Variants in CTNNA3 observed in about 807,000 individuals in gnomAD.
CTNNA3 encodes catenin alpha 3.
CTNNA3 carries 76 observed loss-of-function variants against 95.7 expected under a neutral mutation model. The ratio of observed to expected loss-of-function variants is 0.79; its 90% CI spans 0.66 to 0.96. The LOEUF is 0.96. Ranked by LOEUF, CTNNA3 falls within the 40% of genes least tolerant of loss-of-function variation. CTNNA3 has a pLI of 0.00. For synonymous variants in CTNNA3, 431 were observed against 374.4 expected, an observed-to-expected ratio of 1.15 and a Z score of -1.74; for missense variants, 1,191 against 1,089.8, an observed-to-expected ratio of 1.09 and a Z score of -1.31.
chr10:66,215,333 C>A (rs2088459058), intron 13 of CTNNA3, among the ~76,000 whole-genome samples: 1 of 152,152 alleles, frequency 6.6e-6, no homozygotes. Context: ...ACGTGCTATG[C>A]CCTTTACATC....
intron 7 of CTNNA3, among the ~76,000 whole-genome samples, chr10:67,149,118 A>C (rs565500630): frequency 3.3e-5 from 5 of 152,308 alleles, no homozygotes; most frequent in African/African-American, 1.2e-4. Flanking sequence ...CATAAAATTT[A>C]TCCAATATTC....
At chr10:66,837,894 CT>C (rs1377894930) in intron 7 of CTNNA3, among the ~76,000 whole-genome samples, 1 of 152,116 alleles carries the variant, frequency 6.6e-6, no homozygotes, top group Non-Finnish European at 1.5e-5. Context: ...TCTGCCGCCA[CT>C]TGTCCATGTC....
intron 11 of CTNNA3, among the ~76,000 whole-genome samples, chr10:66,401,169 C>T (rs1230460506): frequency 3.3e-5 from 5 of 152,018 alleles, no homozygotes; most frequent in African/African-American, 4.8e-5. Context: ...CTTGCATTTC[C>T]TCATTAATAA....
intron 12 of CTNNA3, among the ~76,000 whole-genome samples, chr10:66,361,708 T>G (rs920006575): frequency 6.6e-6 from 1 of 151,554 alleles, no homozygotes; most frequent in African/African-American, 2.4e-5. Context: ...TGGTTGATTT[T>G]CTAATTTTCT....
chr10:66,025,848 A>G (rs1042177935), intron 15 of CTNNA3, among the ~76,000 whole-genome samples: 1 of 152,166 alleles, frequency 6.6e-6, no homozygotes, highest in Non-Finnish European at 1.5e-5. Context: ...TGTCTATGTG[A>G]TAGATTAGTG....
chr10:67,743,023 C>G (rs1182631209), intron 1 of CTNNA3, among the ~76,000 whole-genome samples: 3 of 151,168 alleles, frequency 2.0e-5, no homozygotes, highest in East Asian at 1.9e-4. Flanking sequence ...GCTTACCAAC[C>G]AAAAACACTC....
intron 9 of CTNNA3, among the ~76,000 whole-genome samples, chr10:66,755,400 T>C (rs1322200968): frequency 1.3e-5 from 2 of 152,144 alleles, no homozygotes; most frequent in South Asian, 2.1e-4. Flanking sequence ...CTGTGGAATA[T>C]TGGAAACAAT....
intron 13 of CTNNA3, among the ~76,000 whole-genome samples, chr10:66,183,338 A>T (rs1035040035): frequency 5.3e-5 from 8 of 152,336 alleles, no homozygotes; most frequent in African/African-American, 1.9e-4. Context: ...CCTTCTCTGT[A>T]TGAGATATGC....
chr10:66,177,076 C>T (rs1047023198), intron 13 of CTNNA3, among the ~76,000 whole-genome samples: 1 of 152,044 alleles, frequency 6.6e-6, no homozygotes, highest in Non-Finnish European at 1.5e-5. Flanking sequence ...ACTCACAATG[C>T]AGAATAAACA....
intron 10 of CTNNA3, among the ~76,000 whole-genome samples, chr10:66,619,455 G>A (rs562795309): frequency 3.4e-5 from 4 of 116,554 alleles, no homozygotes; most frequent in East Asian, 2.6e-4. Context: ...GCAAACTGTC[G>A]CAAGGACAAA....
At chr10:66,182,776 A>T (rs2086123725) in intron 13 of CTNNA3, among the ~76,000 whole-genome samples, 1 of 152,148 alleles carries the variant, frequency 6.6e-6, no homozygotes, top group African/African-American at 2.4e-5. Context: ...ATGAAAGCAA[A>T]ATGTCCATCC....
chr10:67,325,484 C>T (rs994422085), intron 5 of CTNNA3, among the ~76,000 whole-genome samples: 1 of 152,042 alleles, frequency 6.6e-6, no homozygotes, highest in Non-Finnish European at 1.5e-5. Context: ...CTTAATTTCA[C>T]TGTTTACTCA....
chr10:66,240,789 A>G (rs1043238904), intron 13 of CTNNA3, among the ~76,000 whole-genome samples: 1 of 152,048 alleles, frequency 6.6e-6, no homozygotes, highest in African/African-American at 2.4e-5. Flanking sequence ...AAATAAATAT[A>G]TTGAATGATG....
intron 11 of CTNNA3, among the ~76,000 whole-genome samples, chr10:66,482,692 T>A (rs12268746): frequency 0.062 from 9,403 of 152,188 alleles, 602 homozygotes; most frequent in African/African-American, 0.16. Flanking sequence ...AAAATGGACA[T>A]CACAGTAGTC....
chr10:67,177,165 T>A (rs575274332), intron 7 of CTNNA3, among the ~76,000 whole-genome samples: 103 of 152,336 alleles, frequency 6.8e-4, no homozygotes, highest in Non-Finnish European at 1.2e-3. Flanking sequence ...GTTTTGTCCG[T>A]TATAGACCCA....
intron 5 of CTNNA3, among the ~76,000 whole-genome samples, chr10:67,455,002 G>A (rs1847118925): frequency 6.6e-6 from 1 of 151,956 alleles, no homozygotes; most frequent in Non-Finnish European, 1.5e-5. Context: ...TTATGAAACA[G>A]GAAAAAATTA....
At chr10:66,721,789 C>T (rs141276049) in intron 9 of CTNNA3, among the ~76,000 whole-genome samples, 60 of 152,314 alleles carry the variant, frequency 3.9e-4, no homozygotes, top group South Asian at 2.3e-3. Flanking sequence ...CCTGCTCTTA[C>T]TTACTGAATT....
At chr10:66,505,471 G>A (rs1840418503) in intron 11 of CTNNA3, among the ~76,000 whole-genome samples, 1 of 152,004 alleles carries the variant, frequency 6.6e-6, no homozygotes, top group African/African-American at 2.4e-5. Context: ...AGATGACTCA[G>A]GGGAAAAAAA....
At chr10:66,782,041 T>C (rs938543704) in intron 7 of CTNNA3, among the ~76,000 whole-genome samples, 1 of 152,154 alleles carries the variant, frequency 6.6e-6, no homozygotes, top group East Asian at 1.9e-4. Context: ...AAAGTATTTA[T>C]AAAATATAAT....
Sources: gnomAD v4.1 joint callset for allele counts (sites outside exome capture counted in the v4.1 genomes callset) on GRCh38, gnomAD v4.1.1 for gene constraint, MANE v1.5 for transcripts, NCBI Gene and HGNC (gene_info 2026-07-23, HGNC 2026-07-21) for gene names.